The following DENND2C variants were observed in gnomAD, a reference collection of about 807,000 sequenced individuals.
DENND2C encodes DENN domain containing 2C, also known as DENN domain-containing protein 2C.
DENND2C carries 72 observed loss-of-function variants against 112.4 expected under a neutral mutation model. The observed-to-expected ratio is 0.64, with a 90% CI of 0.53 to 0.78. The LOEUF (loss-of-function observed/expected upper bound fraction) is 0.78. DENND2C is among the 30% of genes least tolerant of loss of function. The probability of loss-of-function intolerance (pLI) is 0.00; values close to 1 mark genes in which losing one functional copy is unlikely to be tolerated. For synonymous variants in DENND2C, 329 were observed against 381.6 expected (o/e 0.86, Z 1.61); for missense variants, 992 against 1,113.8 (o/e 0.89, Z 1.56).
chr1:114,594,429 A>G (rs767390295), intron 18 of DENND2C, 44 bp downstream of exon 18: 19 of 1,487,844 alleles, frequency 1.3e-5, no homozygotes, highest in Non-Finnish European at 1.8e-5. Flanking sequence ...AATATTTACT[A>G]CCTTAACCCT....
chr1:114,657,980 T>A (rs552482594), intron 1 of DENND2C, among the ~76,000 whole-genome samples: 18 of 152,250 alleles, frequency 1.2e-4, no homozygotes, highest in Non-Finnish European at 7.4e-5. Flanking sequence ...GAGGGACAGG[T>A]CTTCCACTGG....
rs775474276 is a variant in DENND2C at position 114,618,439 on chromosome 1, T to C, written c.1271A>G (p.Lys424Arg). ...GTAAGAATGTAACTTTACCTTCTTCTTCCCTCTTTTAGATTCAAATATGTC... is the reference window on the plus strand; with the variant it reads ...GTAAGAATGTAACTTTACCTTCTTCCTCCCTCTTTTAGATTCAAATATGTC... ...IDDIFESKRG[K>R]KKVKLHSYTG... The change falls in exon 8 of 21, where the codon AAG becomes AGG. Residue 424 changes from lysine (K) to arginine (R), a missense_variant. Transcript: ENST00000393274. 1.3e-6 allele frequency: 2 copies of C among 1,594,912 alleles called. No homozygotes were observed. Among genetic ancestry groups the C allele is most frequent in the Admixed American group, 3.6e-5 (2 of 55,010 alleles).
rs537717530 is a variant in DENND2C at position 114,593,495 on chromosome 1, TC to T, written c.2431+977del. On this transcript the variant is annotated intron_variant, in intron 18 of 20. Transcript: ENST00000393274. The stretch of plus-strand genomic sequence containing the variant: ...CTTTTTATTACTCCTCTAAATCTGC[TC>T]CTTCTAGGCCAGGTGTGGTGGCTCA... 2.1e-3 allele frequency among the ~76,000 whole-genome samples: 320 copies of T among 152,280 alleles called. 2 individuals are homozygous for T. The highest frequency in any genetic ancestry group is 7.1e-3 in the African/African-American group (295 of 41,550).
intron 1 of DENND2C, among the ~76,000 whole-genome samples, chr1:114,669,609 G>A (rs948301018): frequency 6.6e-6 from 1 of 152,150 alleles, no homozygotes; most frequent in African/African-American, 2.4e-5. Flanking sequence ...GGCTAATTTT[G>A]GAGAAAGCCC....
At chr1:114,663,537 T>C (rs988078478) in intron 1 of DENND2C, among the ~76,000 whole-genome samples, 5 of 152,176 alleles carry the variant, frequency 3.3e-5, no homozygotes, top group East Asian at 1.9e-4. Context: ...CGAAGAACCA[T>C]GATTTTTTTT....
intron 8 of DENND2C, among the ~76,000 whole-genome samples, chr1:114,618,030 C>G (rs570283266): frequency 6.6e-6 from 1 of 151,166 alleles, no homozygotes; most frequent in African/African-American, 2.4e-5. Context: ...GCTCTGTCGT[C>G]CAGACTGGAG....
rs1025695085 is a variant in DENND2C, at chr1:114,626,030, C to T, written c.-46G>A. On this transcript the variant is annotated 5_prime_UTR_variant, in exon 4 of 21. An upstream start codon of the reference 5' UTR is lost. Transcript: ENST00000393274. ...CAAGTGATGAATCTTACAAAGGTTC[C>T]ATTACAAGTAAATGTGAAATATTGT... The T allele has an allele frequency of 1.7e-5, 25 of 1,494,984 alleles. No homozygotes were observed. Among genetic ancestry groups the T allele is most frequent in the African/African-American group, 2.8e-5 (2 of 71,408 alleles). The allele number at this position is 1,494,984 out of a possible 1,614,324, so 92.6% of individuals were successfully genotyped here. A position where few individuals can be genotyped will look rare whatever the true frequency, so the allele number is the denominator to read the frequency against.
intron 7 of DENND2C, among the ~76,000 whole-genome samples, chr1:114,620,802 G>C (rs917854385): frequency 3.3e-5 from 5 of 152,048 alleles, no homozygotes; most frequent in Admixed American, 3.3e-4. Context: ...ATAGTAAAGA[G>C]GAAGGGGCAG....
intron 1 of DENND2C, among the ~76,000 whole-genome samples, chr1:114,658,073 C>A (rs1277285719): frequency 6.6e-6 from 1 of 152,136 alleles, no homozygotes; most frequent in East Asian, 1.9e-4. Flanking sequence ...AACTTTCCAT[C>A]TGATGGCTTC....
chr1:114,590,765 C>T (rs965891971), intron 18 of DENND2C, among the ~76,000 whole-genome samples: 17 of 117,966 alleles, frequency 1.4e-4, no homozygotes, highest in African/African-American at 5.0e-4. Flanking sequence ...GGCGACAGAG[C>T]GAGACTCCGT....
chr1:114,637,032 G>A (rs1012428956), intron 3 of DENND2C, among the ~76,000 whole-genome samples: 9 of 151,646 alleles, frequency 5.9e-5, no homozygotes, highest in African/African-American at 2.2e-4. Flanking sequence ...ATCACTTGAG[G>A]TCAGGAGTTC....
chr1:114,626,638 G>A (rs1656350567), intron 3 of DENND2C, among the ~76,000 whole-genome samples: 1 of 150,710 alleles, frequency 6.6e-6, no homozygotes. Flanking sequence ...AGCCTCCTGA[G>A]TAGCTGTGAC....
rs554892827 is a variant in DENND2C, at chr1:114,625,974, C to T, written c.11G>A (p.Gly4Asp). 1.2e-6 allele frequency: 2 copies of T among 1,607,822 alleles called. No individual in the cohort carries two copies. The highest frequency in any genetic ancestry group is 3.4e-5 in the Admixed American group (2 of 59,038). The change falls in exon 4 of 21, where the codon GGT becomes GAT. Residue 4 changes from glycine to aspartate, a missense_variant. Physicochemically the swap from Gly to Asp is moderately conservative, Grantham distance 94. This residue lies in a region of DENND2C where 470 missense variants were observed against 472.7 expected (regional missense o/e 0.99). Transcript: ENST00000393274. Reference protein sequence around the residue: MDVGFSRTTVQTLS... With the variant: MDVDFSRTTVQTLS... ...TGTCTGAACAGTAGTACGAGAAAAA[C>T]CAACATCCATGTTCCCAACTGGGTG...
chr1:114,647,813 CTCTT>C (rs575405119), intron 2 of DENND2C, among the ~76,000 whole-genome samples: 1 of 151,880 alleles, frequency 6.6e-6, no homozygotes, highest in Non-Finnish European at 1.5e-5. Context: ...CTACTTTTAA[CTCTT>C]TTTTTTTTTG....
rs1266192240 is a variant in DENND2C at position 114,625,362 on chromosome 1, T to C, written c.623A>G (p.Asn208Ser). ...TGTCCTACGAGGTTTTGGCAAAGGATTTATGGAAGGTCCACATTCTTGCCC... is the reference window on the plus strand; with the variant it reads ...TGTCCTACGAGGTTTTGGCAAAGGACTTATGGAAGGTCCACATTCTTGCCC... ...PEGQECGPSI[N>S]PLPKPRRTFR... is the part of the protein sequence containing the mutation. Residue 208 changes from asparagine (N) to serine (S), a missense_variant, in exon 4 of 21, where the codon AAT becomes AGT. Asn to Ser is a conservative substitution (Grantham distance 46). Around this residue, in one of 3 missense-constraint regions of DENND2C, gnomAD observed 470 missense variants for 472.7 expected, o/e 0.99. Coordinates refer to ENST00000393274, the MANE Select transcript of DENND2C (RefSeq NM_001256404.2). 1 of 1,614,146 alleles carries C rather than the reference T, an allele frequency of 6.2e-7. No individual in the cohort carries two copies. The highest frequency in any genetic ancestry group is 1.7e-5 in the Admixed American group (1 of 60,012).
chr1:114,598,759 G>A (rs1655412502), intron 16 of DENND2C, among the ~76,000 whole-genome samples: 1 of 152,150 alleles, frequency 6.6e-6, no homozygotes, highest in South Asian at 2.1e-4. Context: ...TCGGCTCACT[G>A]CAACCTCCAC....
chr1:114,628,319 CA>C (rs760000537), intron 3 of DENND2C, among the ~76,000 whole-genome samples: 11,159 of 71,848 alleles, frequency 0.16, 384 homozygotes, highest in South Asian at 0.22. Context: ...GACCCCAACT[CA>C]AAAAAAAAAA....
At chr1:114,668,643 C>T (rs1249996938) in intron 1 of DENND2C, among the ~76,000 whole-genome samples, 1 of 151,958 alleles carries the variant, frequency 6.6e-6, no homozygotes, top group Non-Finnish European at 1.5e-5. Flanking sequence ...GTATCCCCAG[C>T]AAAAGCCTAC....
intron 19 of DENND2C, 104 bp downstream of exon 19, chr1:114,587,612 G>A (rs1228463117): frequency 1.2e-5 from 17 of 1,416,948 alleles, no homozygotes; most frequent in African/African-American, 2.9e-5. Context: ...AAACAACTCA[G>A]ATTTTAAGCC....
Sources: allele counts gnomAD v4.1 joint callset (sites outside exome capture counted in the v4.1 genomes callset), GRCh38; gene constraint gnomAD v4.1.1; regional missense constraint gnomAD v4.1.1; transcripts MANE v1.5; gene names NCBI Gene and HGNC (gene_info 2026-07-23, HGNC 2026-07-21).